The following ZNF292 variants were observed in gnomAD, a reference collection of about 807,000 sequenced individuals.
ZNF292 encodes the protein zinc finger protein 292, also known as 16 zinc-finger domain protein.
In ZNF292, 26 loss-of-function variants were observed where a neutral mutation model predicts 217.9. That is an observed-to-expected ratio of 0.12 (90% CI 0.09 to 0.17). The LOEUF is 0.17. ZNF292 is among the 10% of genes least tolerant of loss of function. ZNF292 has a pLI of 1.00. For synonymous variants in ZNF292, 1,257 were observed against 1,124.1 expected (o/e 1.12, Z -2.37); for missense variants, 2,904 against 3,175.2 (o/e 0.91, Z 2.05).
chr6:87,241,283 C>CATAAATAA (rs111321821), intron 5 of ZNF292, among the ~76,000 whole-genome samples: 8 of 151,614 alleles, frequency 5.3e-5, no homozygotes, highest in African/African-American at 1.7e-4. Context: ...GACTCCGTCT[C>CATAAATAA]ATAAATAAAT....
At position 87,256,723 on chromosome 6, in the gene ZNF292, T is replaced by C. The variant is rs1223254781; in HGVS notation, c.3094T>C (p.Ser1032Pro). ...ERQVNNLMTF[S>P]VQNQAAFQNN... ...ACAAGTGAACAACTTGATGACCTTT[T>C]CTGTGCAAAATCAGGCAGCATTTCA... Residue 1032 changes from serine (S) to proline (P), a missense_variant, in exon 8 of 8, where the codon TCT becomes CCT. Ser to Pro is a moderately conservative substitution (Grantham distance 74). Around this residue, in one of 15 missense-constraint regions of ZNF292, gnomAD observed 687 missense variants for 623.0 expected, o/e 1.10. Transcript: ENST00000369577. 3 of 1,612,864 alleles carry C rather than the reference T, an allele frequency of 1.9e-6. No homozygotes were observed.
chr6:87,241,493 C>G (rs1453219754), intron 5 of ZNF292, among the ~76,000 whole-genome samples: 2 of 137,484 alleles, frequency 1.5e-5, no homozygotes, highest in East Asian at 4.3e-4. Context: ...GCGATTTTGT[C>G]TCACTGCTGC....
intron 7 of ZNF292, among the ~76,000 whole-genome samples, chr6:87,247,770 T>C: frequency 6.6e-6 from 1 of 152,278 alleles, no homozygotes; most frequent in South Asian, 2.1e-4. Flanking sequence ...ATAATATAAT[T>C]ATGGAAAAAT....
At position 87,256,400 on chromosome 6, in the gene ZNF292, C is replaced by G; in HGVS notation, c.2771C>G (p.Pro924Arg). The G allele has an allele frequency of 1.2e-6, 2 of 1,607,852 alleles. No individual in the cohort carries two copies. Among genetic ancestry groups the G allele is most frequent in the Non-Finnish European group, 1.7e-6 (2 of 1,179,804 alleles). The part of the protein sequence containing the change: ...NGPLSNGLEN[P>R]ATTPLLQSSE... ...CCATTGTCAAATGGTTTGGAAAACC[C>G]TGCTACTACTCCTCTACTTCAATCC... Residue 924 changes from proline to arginine, a missense_variant, in exon 8 of 8, where the codon CCT becomes CGT. Coordinates refer to ENST00000369577, the MANE Select transcript of ZNF292 (RefSeq NM_015021.3).
chr6:87,253,625 A>G (rs949983978), intron 7 of ZNF292, among the ~76,000 whole-genome samples: 20 of 152,280 alleles, frequency 1.3e-4, no homozygotes, highest in African/African-American at 4.8e-4. Flanking sequence ...AATCAAGACC[A>G]ATTCAGTATC....
intron 5 of ZNF292, among the ~76,000 whole-genome samples, chr6:87,237,202 G>A (rs1404368034): frequency 1.3e-5 from 2 of 152,102 alleles, no homozygotes; most frequent in African/African-American, 2.4e-5. Flanking sequence ...TATATGGAAA[G>A]CAATATTATT....
At chr6:87,242,450 A>G (rs1455612715) in intron 5 of ZNF292, among the ~76,000 whole-genome samples, 1 of 152,188 alleles carries the variant, frequency 6.6e-6, no homozygotes, top group African/African-American at 2.4e-5. Context: ...GATTACCCGC[A>G]TTCTCCATTT....
chr6:87,255,058 G>T lies in ZNF292; in HGVS notation c.1429G>T (p.Glu477Ter). Reference protein sequence around the residue: ...VSSIDELNDSEVYEKVVDYQE... With the variant: ...VSSIDELNDS ...TTCAATAGATGAACTAAATGACAGT[G>T]AAGTATATGAAAAAGTGGTAGACTA... The change falls in exon 8 of 8, where the codon GAA becomes TAA. Residue 477 changes from glutamate (E) to a stop codon, truncating the protein, a stop_gained. Transcript: ENST00000369577. LOFTEE classifies it high-confidence loss of function. 6.2e-7 allele frequency: 1 copy of T among 1,613,704 alleles called. No individual in the cohort carries two copies. Among genetic ancestry groups the T allele is most frequent in the South Asian group, 1.1e-5 (1 of 91,080 alleles).
At chr6:87,168,689 C>G (rs565518381) in intron 1 of ZNF292, among the ~76,000 whole-genome samples, 1 of 152,232 alleles carries the variant, frequency 6.6e-6, no homozygotes, top group South Asian at 2.1e-4. Flanking sequence ...AGGCTGGTCC[C>G]GAACTCCTGA....
At chr6:87,194,204 C>A in intron 1 of ZNF292, among the ~76,000 whole-genome samples, 1 of 151,486 alleles carries the variant, frequency 6.6e-6, no homozygotes, top group Non-Finnish European at 1.5e-5. Context: ...AACTTGGTAG[C>A]ACAAATAGGG....
intron 5 of ZNF292, among the ~76,000 whole-genome samples, chr6:87,237,038 C>T (rs1015823524): frequency 3.9e-5 from 6 of 152,038 alleles, no homozygotes; most frequent in Non-Finnish European, 5.9e-5. Flanking sequence ...AAACTATCCT[C>T]CAGAAAAGAT....
At chr6:87,248,467 G>T (rs977212426) in intron 7 of ZNF292, among the ~76,000 whole-genome samples, 3 of 152,094 alleles carry the variant, frequency 2.0e-5, no homozygotes, top group African/African-American at 7.2e-5. Context: ...AAGTAGCTGG[G>T]CATGGGAGTG....
intron 2 of ZNF292, 77 bp downstream of exon 2, chr6:87,216,134 CACACACACACACACACACACACA>C: frequency 1.3e-5 from 10 of 753,962 alleles, no homozygotes; most frequent in Non-Finnish European, 1.8e-5. Flanking sequence ...CACACACACA[CACACACACACACACACACACACA>C]ACATTAAATC....
In ZNF292 at chr6:87,258,576, A is replaced by T; in HGVS notation, c.4947A>T (p.Thr1649=). Residue 1649 remains threonine, a synonymous_variant, in exon 8 of 8, where the codon ACA becomes ACT. Transcript: ENST00000369577. ...CTAACGCTTCCCAAAACTTGGTAAC[A>T]AGTGACTTAACAACAATGGGACTCA... ...IAPNASQNLV[T]SDLTTMGLIA... 6.2e-7 allele frequency: 1 copy of T among 1,613,698 alleles called. No homozygotes were observed. Among genetic ancestry groups the T allele is most frequent in the Non-Finnish European group, 8.5e-7 (1 of 1,179,782 alleles).
In ZNF292 at chr6:87,257,338, A is replaced by G. The variant is rs762384042; in HGVS notation, c.3709A>G (p.Thr1237Ala). The change falls in exon 8 of 8, where the codon ACT becomes GCT. Residue 1237 changes from threonine (T) to alanine (A), a missense_variant. Physicochemically the swap from Thr to Ala is moderately conservative, Grantham distance 58. Transcript: ENST00000369577. ...LCSQMENLPSTALPAQMEDLT... is the reference protein window; with the variant it reads ...LCSQMENLPSAALPAQMEDLT... ...TTCCCAAATGGAAAATTTACCTAGT[A>G]CTGCCTTGCCAGCACAAATGGAAGA... 6.2e-7 allele frequency: 1 copy of G among 1,613,752 alleles called. No homozygotes were observed. The highest frequency in any genetic ancestry group is 8.5e-7 in the Non-Finnish European group (1 of 1,179,782).
chr6:87,222,421 C>CA (rs1371135700), intron 4 of ZNF292, among the ~76,000 whole-genome samples: 1 of 152,124 alleles, frequency 6.6e-6, no homozygotes, highest in Non-Finnish European at 1.5e-5. Flanking sequence ...AAGACCATAA[C>CA]AAGTGTTTGT....
intron 4 of ZNF292, among the ~76,000 whole-genome samples, chr6:87,220,227 C>T (rs1191941200): frequency 6.6e-6 from 1 of 152,020 alleles, no homozygotes; most frequent in Non-Finnish European, 1.5e-5. Flanking sequence ...TTAGTTCTAG[C>T]ACCAAATTAT....
chr6:87,204,505 T>A (rs1772185247), intron 1 of ZNF292, among the ~76,000 whole-genome samples: 1 of 151,816 alleles, frequency 6.6e-6, no homozygotes, highest in Admixed American at 6.6e-5. Context: ...TTTCAAAAAT[T>A]TTTTTTTAAT....
chr6:87,156,691 G>C (rs1443619303), intron 1 of ZNF292, among the ~76,000 whole-genome samples: 1 of 152,156 alleles, frequency 6.6e-6, no homozygotes, highest in Non-Finnish European at 1.5e-5. Flanking sequence ...TCTTTTCTTT[G>C]CTTGCCCAAG....
Sources: allele counts gnomAD v4.1 joint callset (sites outside exome capture counted in the v4.1 genomes callset), GRCh38; gene constraint gnomAD v4.1.1; regional missense constraint gnomAD v4.1.1; transcripts MANE v1.5; gene names NCBI Gene and HGNC (gene_info 2026-07-23, HGNC 2026-07-21).